FAT3: variants seen among roughly 807,000 people sequenced by gnomAD.
The protein encoded by FAT3 is protocadherin Fat 3.
Under a neutral mutation model 310.2 loss-of-function variants are expected in FAT3, and 95 were observed. The observed-to-expected ratio is 0.31, with a 90% CI of 0.26 to 0.36. FAT3 has a LOEUF of 0.36. Among genes scored for constraint, FAT3 ranks in the 10% least tolerant of loss-of-function variants. The pLI is 1.00. For missense variants in FAT3, 5,408 were observed against 5,715.6 expected (o/e 0.95, Z 1.74); for synonymous variants, 2,314 against 2,192.9 (o/e 1.06, Z -1.54).
At position 92,517,998 on chromosome 11, in the gene FAT3, TAGG is replaced by T. The variant is rs201851501; in HGVS notation, c.3293-6633_3293-6631del. Reference sequence around the variant, plus strand: ...AGATGCTGGAGAGGATATGGAGAAATAGGAGTGCTTTTACACTGTTGGTGGGAG... The same window carrying T: ...AGATGCTGGAGAGGATATGGAGAAATAGTGCTTTTACACTGTTGGTGGGAG... On this transcript the variant is annotated intron_variant, in intron 2 of 27. Coordinates refer to ENST00000525166, the MANE Select transcript of FAT3 (RefSeq NM_001367949.2). Among the ~76,000 whole-genome samples the T allele has an allele frequency of 4.4e-3, 677 of 152,150 alleles. 16 individuals are homozygous for T. The highest frequency in any genetic ancestry group is 0.031 in the Admixed American group (471 of 15,286).
chr11:92,768,815 A>ATGGGAG lies in FAT3; in HGVS notation c.4195+3728_4195+3729insGGAGTG, dbSNP rs1946387726. 1.2e-4 allele frequency among the ~76,000 whole-genome samples: 19 copies of ATGGGAG among 152,286 alleles called. No individual in the cohort carries two copies. The South Asian group carries it at 3.9e-3, about 32-fold the overall frequency. On this transcript the variant is annotated intron_variant, in intron 6 of 27. Transcript: ENST00000525166. Reference sequence around the variant, plus strand: ...TGGGCCTTGCCTAGGTAAATACTCTATGACTCTTCCAAGGGAGTGAGAATT... The same window carrying ATGGGAG: ...TGGGCCTTGCCTAGGTAAATACTCTATGGGAGTGACTCTTCCAAGGGAGTGAGAATT...
chr11:92,733,999 A>T (rs2136006745), intron 4 of FAT3, among the ~76,000 whole-genome samples: 1 of 152,304 alleles, frequency 6.6e-6, no homozygotes, highest in Admixed American at 6.5e-5. Flanking sequence ...ATGTGCTACT[A>T]CCTAATATGC....
intron 3 of FAT3, among the ~76,000 whole-genome samples, chr11:92,544,016 G>C (rs1233192037): frequency 6.6e-6 from 1 of 152,066 alleles, no homozygotes; most frequent in African/African-American, 2.4e-5. Flanking sequence ...CTGCATTCTA[G>C]GTTATTTGTC....
Position 92,887,059 on chromosome 11 carries a change from A to G in FAT3, c.12997A>G (p.Asn4333Asp). Residue 4333 changes from asparagine to aspartate, a missense_variant, in exon 25 of 28, where the codon AAC becomes GAC. Around this residue, in one of 5 missense-constraint regions of FAT3, gnomAD observed 649 missense variants for 666.2 expected, o/e 0.97. Transcript: ENST00000525166. ...CTTTGCAGGTAGTAATAAAGGCAGC[A>G]ACTCTGAAGTTCAGTCCCTCAGCTC... Reference protein sequence around the residue: ...TCFAGSNKGSNSEVQSLSSFQ... With the variant: ...TCFAGSNKGSDSEVQSLSSFQ... The G allele has an allele frequency of 6.2e-7, 1 of 1,612,000 alleles. No homozygotes were observed. The highest frequency in any genetic ancestry group is 8.5e-7 in the Non-Finnish European group (1 of 1,179,252).
At chr11:92,811,777 C>T (rs1311627915) in intron 13 of FAT3, among the ~76,000 whole-genome samples, 1 of 152,116 alleles carries the variant, frequency 6.6e-6, no homozygotes, top group Non-Finnish European at 1.5e-5. Flanking sequence ...GTGCTGCTGG[C>T]ATCTATGTAT....
chr11:92,676,565 G>T (rs1421417705), intron 3 of FAT3, among the ~76,000 whole-genome samples: 2 of 152,152 alleles, frequency 1.3e-5, no homozygotes, highest in African/African-American at 4.8e-5. Context: ...CTGGTGCCCG[G>T]CCTGAAACCG....
intron 3 of FAT3, among the ~76,000 whole-genome samples, chr11:92,581,434 C>G (rs1938792928): frequency 1.3e-5 from 2 of 152,076 alleles, no homozygotes; most frequent in African/African-American, 4.8e-5. Context: ...TTCAGAATAT[C>G]CACCTCCTTA....
chr11:92,586,119 G>T (rs892936992), intron 3 of FAT3, among the ~76,000 whole-genome samples: 1 of 151,968 alleles, frequency 6.6e-6, no homozygotes, highest in Non-Finnish European at 1.5e-5. Context: ...AAAGGTAAAG[G>T]CTTGATTGAC....
chr11:92,376,867 C>T (rs182158662), intron 2 of FAT3, among the ~76,000 whole-genome samples: 36 of 152,270 alleles, frequency 2.4e-4, no homozygotes, highest in African/African-American at 7.7e-4. Context: ...TTGAGCAAGA[C>T]GCTGCTGAAT....
At chr11:92,268,538 C>G (rs540426664) in intron 1 of FAT3, among the ~76,000 whole-genome samples, 1 of 151,896 alleles carries the variant, frequency 6.6e-6, no homozygotes, top group African/African-American at 2.4e-5. Context: ...AAATTAACCC[C>G]CAACCTTCCC....
chr11:92,657,214 C>A (rs1017747400), intron 3 of FAT3, among the ~76,000 whole-genome samples: 2 of 152,158 alleles, frequency 1.3e-5, no homozygotes, highest in African/African-American at 2.4e-5. Context: ...TTGGGCTGAT[C>A]CCCTATTACT....
In FAT3 at chr11:92,831,911, T is replaced by C. The variant is rs1318668043; in HGVS notation, c.9771T>C (p.Ala3257=). Residue 3257 remains alanine, a synonymous_variant, in exon 14 of 28, where the codon GCT becomes GCC. Coordinates refer to ENST00000525166, the MANE Select transcript of FAT3 (RefSeq NM_001367949.2). The part of the protein sequence containing the change: ...EDTSPGTQVL[A]VFATSKDIGT... ...CCTCCCCTGGCACCCAAGTCCTTGC[T>C]GTTTTTGCCACCAGCAAAGATATTG... 9 of 1,610,578 alleles carry C rather than the reference T, an allele frequency of 5.6e-6. No homozygotes were observed. The highest frequency in any genetic ancestry group is 1.3e-5 in the African/African-American group (1 of 74,876).
chr11:92,832,650 G>A, intron 14 of FAT3, among the ~76,000 whole-genome samples: 1 of 152,156 alleles, frequency 6.6e-6, no homozygotes, highest in Non-Finnish European at 1.5e-5. Flanking sequence ...AATAGTATTT[G>A]TATTCCAAGA....
intron 2 of FAT3, among the ~76,000 whole-genome samples, chr11:92,482,811 G>A (rs978462979): frequency 1.3e-5 from 2 of 152,098 alleles, no homozygotes; most frequent in Non-Finnish European, 2.9e-5. Flanking sequence ...CTGCATTCCT[G>A]GCAAACAGTG....
chr11:92,427,864 C>T (rs1950671081), intron 2 of FAT3, among the ~76,000 whole-genome samples: 3 of 152,094 alleles, frequency 2.0e-5, no homozygotes, highest in Non-Finnish European at 4.4e-5. Flanking sequence ...GTTTTGGTAT[C>T]AGGATGATCT....
At chr11:92,380,072 CGTGTGTGTGTGT>C (rs34789717) in intron 2 of FAT3, among the ~76,000 whole-genome samples, 4 of 145,292 alleles carry the variant, frequency 2.8e-5, no homozygotes, top group South Asian at 2.3e-4. Flanking sequence ...CAAACTGATT[CGTGTGTGTGTGT>C]GTGTGTGTGT....
chr11:92,629,067 CA>C (rs1160704471), intron 3 of FAT3, among the ~76,000 whole-genome samples: 1 of 152,198 alleles, frequency 6.6e-6, no homozygotes, highest in African/African-American at 2.4e-5. Context: ...AAAACAGTGA[CA>C]AGAGAAAGAA....
intron 1 of FAT3, among the ~76,000 whole-genome samples, chr11:92,334,942 G>T (rs558636077): frequency 2.0e-5 from 3 of 152,136 alleles, no homozygotes; most frequent in African/African-American, 4.8e-5. Flanking sequence ...TATACCTGTG[G>T]AAATTCTTAT....
intron 3 of FAT3, among the ~76,000 whole-genome samples, chr11:92,575,764 T>G (rs76070749): frequency 0.014 from 2,205 of 152,240 alleles, 49 homozygotes; most frequent in African/African-American, 0.049. Flanking sequence ...GGGGTCTTTT[T>G]TTTGTTTGTT....
Sources: allele counts gnomAD v4.1 joint callset (sites outside exome capture counted in the v4.1 genomes callset), GRCh38; gene constraint gnomAD v4.1.1; regional missense constraint gnomAD v4.1.1; transcripts MANE v1.5; gene names NCBI Gene and HGNC (gene_info 2026-07-23, HGNC 2026-07-21).